Variants in PUSL1 observed in about 807,000 individuals in gnomAD.
PUSL1 encodes the protein tRNA pseudouridine synthase-like 1.
Under a neutral mutation model 30.7 loss-of-function variants are expected in PUSL1, and 51 were observed. The observed-to-expected ratio is 1.66, with a 90% CI of 1.33 to 2.10. The LOEUF (loss-of-function observed/expected upper bound fraction) is 2.10. Among genes scored for constraint, PUSL1 ranks in the 30% most tolerant of loss-of-function variants. The pLI is 0.00. For missense variants in PUSL1, 609 were observed against 427.6 expected, an observed-to-expected ratio of 1.42 and a Z score of -3.74; for synonymous variants, 290 against 192.1, an observed-to-expected ratio of 1.51 and a Z score of -4.21.
At chr1:1,311,196 G>A (rs943483887) in intron 7 of PUSL1, 125 bp downstream of exon 7, 3 of 1,427,478 alleles carry the variant, frequency 2.1e-6, no homozygotes, top group African/African-American at 2.9e-5. Context: ...CCCGCCCAGG[G>A]CTGCAGTCCC....
In PUSL1 at chr1:1,308,728, T is replaced by C; in HGVS notation, c.77+8T>C. 1.3e-6 allele frequency: 2 copies of C among 1,544,546 alleles called. No individual in the cohort carries two copies. Among genetic ancestry groups the C allele is most frequent in the Non-Finnish European group, 1.7e-6 (2 of 1,147,500 alleles). ...CGTGGGCACCGACTTTAAGTAGGTT[T>C]CCCAGGCGCAGCGGCGGGCGCCACG... On this transcript the variant is annotated splice_region_variant and intron_variant, in intron 1 of 7. Coordinates refer to ENST00000379031, the MANE Select transcript of PUSL1 (RefSeq NM_153339.3).
At position 1,309,852 on chromosome 1, in the gene PUSL1, G is replaced by C. The variant is rs749900714; in HGVS notation, c.644+1G>C. 3.3e-6 allele frequency: 5 copies of C among 1,509,314 alleles called. No homozygotes were observed. The highest frequency in any genetic ancestry group is 4.5e-6 in the Non-Finnish European group (5 of 1,121,494). 93.5% of individuals were successfully genotyped at this position (1,509,314 alleles called of 1,614,324 possible). ...CCTTGGTCACCCCCGAGGAGAGCAG[G>C]TGAGGAAGGGCCCCTGGGCTGTGGC... is the stretch of plus-strand genomic sequence containing the variant. On this transcript the variant is annotated splice_donor_variant, in intron 5 of 7. Coordinates refer to ENST00000379031, the MANE Select transcript of PUSL1 (RefSeq NM_153339.3). LOFTEE classifies it high-confidence loss of function.
chr1:1,309,887 A>T (rs1642015900), intron 5 of PUSL1, 36 bp downstream of exon 5: 20 of 1,437,310 alleles, frequency 1.4e-5, no homozygotes, highest in Non-Finnish European at 1.8e-5. Context: ...CCCTGCCCTC[A>T]AGTCACGTGC....
Position 1,311,067 on chromosome 1 carries a change from C to A in PUSL1, c.858C>A (p.Asn286Lys), listed in dbSNP as rs757759017. Reference sequence around the variant, plus strand: ...TCCTCAAGTCAGTGCTGTACGGGAACCTCGGTAAGAAAAACAGGCACGAGA... The same window carrying A: ...TCCTCAAGTCAGTGCTGTACGGGAAACTCGGTAAGAAAAACAGGCACGAGA... ...GLFLKSVLYG[N>K]LGAASCTLQG... Residue 286 changes from asparagine to lysine, a missense_variant, in exon 7 of 8, where the codon AAC becomes AAA. Transcript: ENST00000379031. The A allele has an allele frequency of 1.3e-6, 2 of 1,597,180 alleles. No homozygotes were observed. The highest frequency in any genetic ancestry group is 2.2e-5 in the South Asian group (2 of 90,630).
In PUSL1 at chr1:1,311,524, G is replaced by T; in HGVS notation, c.*145G>T. The T allele has an allele frequency of 2.3e-6, 2 of 856,958 alleles. No individual in the cohort carries two copies. The highest frequency in any genetic ancestry group is 3.8e-6 in the Non-Finnish European group (2 of 525,840). The allele number at this position is 856,958 out of a possible 1,614,324, so 53.1% of individuals were successfully genotyped here. A position where few individuals can be genotyped will look rare whatever the true frequency, so the allele number is the denominator to read the frequency against. On this transcript the variant is annotated 3_prime_UTR_variant, in exon 8 of 8. Coordinates refer to ENST00000379031, the MANE Select transcript of PUSL1 (RefSeq NM_153339.3). Reference sequence around the variant, plus strand: ...CTGCCCGGGTCCCAGCACCCTGGATGCCCGTCTCTGTCCCAGGCGGGATGG... The same window carrying T: ...CTGCCCGGGTCCCAGCACCCTGGATTCCCGTCTCTGTCCCAGGCGGGATGG...
Position 1,309,250 on chromosome 1 carries a change from A to G in PUSL1, c.300A>G (p.Thr100=), listed in dbSNP as rs752405681. ...AGGTCCTGGCCGAGGCCCTCAACAC[A>G]CACCTGCGGCACCCGGCCATCAGGT... is the stretch of plus-strand genomic sequence containing the variant. ...PPEVLAEALN[T]HLRHPAIRVL... Residue 100 remains threonine, a synonymous_variant, in exon 3 of 8, where the codon ACA becomes ACG. Coordinates refer to ENST00000379031, the MANE Select transcript of PUSL1 (RefSeq NM_153339.3). 4.7e-6 allele frequency: 7 copies of G among 1,494,430 alleles called. No homozygotes were observed. The highest frequency in any genetic ancestry group is 1.8e-6 in the Non-Finnish European group (2 of 1,126,988). The allele number at this position is 1,494,430 out of a possible 1,614,324, so 92.6% of individuals were successfully genotyped here.
In PUSL1 at chr1:1,308,659, G is replaced by C. The variant is rs779148624; in HGVS notation, c.16G>C (p.Ala6Pro). ...GGGCTCCGCCATGAGTTCGGCGCCGGCCTCAGGCTCCGTGCGCGCGCGCTA... is the reference window on the plus strand; with the variant it reads ...GGGCTCCGCCATGAGTTCGGCGCCGCCCTCAGGCTCCGTGCGCGCGCGCTA... MSSAP[A>P]SGSVRARYLV... Residue 6 changes from alanine (A) to proline (P), a missense_variant, in exon 1 of 8, where the codon GCC becomes CCC. By Grantham distance (27) the Ala-to-Pro change is conservative. Transcript: ENST00000379031. The C allele has an allele frequency of 4.6e-6, 7 of 1,534,924 alleles. No individual in the cohort carries two copies. Among genetic ancestry groups the C allele is most frequent in the Non-Finnish European group, 6.1e-6 (7 of 1,145,388 alleles).
chr1:1,311,486 C>A lies in PUSL1; in HGVS notation c.*107C>A, dbSNP rs1161811304. 2.5e-6 allele frequency: 3 copies of A among 1,192,490 alleles called. No individual in the cohort carries two copies. Among genetic ancestry groups the A allele is most frequent in the Non-Finnish European group, 2.4e-6 (2 of 828,634 alleles). 73.9% of individuals were successfully genotyped at this position (1,192,490 alleles called of 1,614,324 possible). On this transcript the variant is annotated 3_prime_UTR_variant, in exon 8 of 8. Transcript: ENST00000379031. Reference sequence around the variant, plus strand: ...GCCCACAGCACTGCTGCCTGGTCTCCACAGTAGCCTCCCTGCCCGGGTCCC... The same window carrying A: ...GCCCACAGCACTGCTGCCTGGTCTCAACAGTAGCCTCCCTGCCCGGGTCCC...
chr1:1,309,601 A>G lies in PUSL1; in HGVS notation c.471A>G (p.Ala157=). The G allele has an allele frequency of 1.9e-6, 3 of 1,609,320 alleles. No homozygotes were observed. Among genetic ancestry groups the G allele is most frequent in the African/African-American group, 1.3e-5 (1 of 74,534 alleles). The change falls in exon 4 of 8, where the codon GCA becomes GCG. Residue 157 remains alanine (A), a splice_region_variant and synonymous_variant. Coordinates refer to ENST00000379031, the MANE Select transcript of PUSL1 (RefSeq NM_153339.3). ...GCAACCTATGCTGGACTCTCCCGGC[A>G]GAGTGAGTGTGGCCCTGACAGCGGG... The part of the protein sequence containing the change: ...FERNLCWTLP[A]DCLDMVAMQE...
intron 5 of PUSL1, 35 bp from the exon 6 acceptor site, chr1:1,310,599 G>C: frequency 6.8e-7 from 1 of 1,480,942 alleles, no homozygotes; most frequent in Non-Finnish European, 9.2e-7. Flanking sequence ...GGCAAACACT[G>C]CCCCACAGAC....
At position 1,308,906 on chromosome 1, in the gene PUSL1, T is replaced by C; in HGVS notation, c.78-9T>C. 1 of 1,414,610 alleles carries C rather than the reference T, an allele frequency of 7.1e-7. No homozygotes were observed. Among genetic ancestry groups the C allele is most frequent in the East Asian group, 2.9e-5 (1 of 33,910 alleles). The allele number at this position is 1,414,610 out of a possible 1,614,324, so 87.6% of individuals were successfully genotyped here. On this transcript the variant is annotated splice_polypyrimidine_tract_variant and intron_variant, in intron 1 of 7. Coordinates refer to ENST00000379031, the MANE Select transcript of PUSL1 (RefSeq NM_153339.3). ...GCCCCCGGTAACCTCCGCCCGCTTC[T>C]GCCCGCAGCGGGGTCGCGGCCGTCA...
At chr1:1,311,265 C>A in intron 7 of PUSL1, 65 bp from the exon 8 acceptor site, 1 of 1,463,012 alleles carries the variant, frequency 6.8e-7, no homozygotes, top group Non-Finnish European at 9.1e-7. Flanking sequence ...GGAGTGGTCT[C>A]AGCGGTGGGG....
Position 1,309,703 on chromosome 1 carries a change from C to G in PUSL1, c.496C>G (p.Gln166Glu). 1.3e-6 allele frequency: 2 copies of G among 1,596,168 alleles called. No homozygotes were observed. Among genetic ancestry groups the G allele is most frequent in the Non-Finnish European group, 1.7e-6 (2 of 1,168,182 alleles). ...AAGCTGCCTGGATATGGTCGCCATG[C>G]AGGAAGCCGCCCAGCACCTCCTCGG... ...PADCLDMVAM[Q>E]EAAQHLLGTH... is the part of the protein sequence containing the mutation. Residue 166 changes from glutamine to glutamate, a missense_variant, in exon 5 of 8, where the codon CAG (glutamine) becomes GAG (glutamate). By Grantham distance (29) the Gln-to-Glu change is conservative. Coordinates refer to ENST00000379031, the MANE Select transcript of PUSL1 (RefSeq NM_153339.3).
At position 1,311,055 on chromosome 1, in the gene PUSL1, G is replaced by A; in HGVS notation, c.846G>A (p.Val282=). ...APAHGLFLKS[V]LYGNLGAASC... ...CCCACGGCTTATTCCTCAAGTCAGT[G>A]CTGTACGGGAACCTCGGTAAGAAAA... The change falls in exon 7 of 8, where the codon GTG becomes GTA. Residue 282 remains valine (V), a synonymous_variant. Transcript: ENST00000379031. The A allele has an allele frequency of 1.9e-6, 3 of 1,606,420 alleles. No homozygotes were observed. The highest frequency in any genetic ancestry group is 2.2e-5 in the South Asian group (2 of 90,988).
intron 5 of PUSL1, chr1:1,310,378 C>T: frequency 1.9e-6 from 1 of 520,018 alleles, no homozygotes; most frequent in Non-Finnish European, 3.4e-6. Context: ...GGGCAAGCCC[C>T]TCTGGGATGG....
In PUSL1 at chr1:1,309,076, G is replaced by T. The variant is rs778786499; in HGVS notation, c.136-10G>T. The T allele has an allele frequency of 2.1e-6, 3 of 1,427,672 alleles. No homozygotes were observed. The highest frequency in any genetic ancestry group is 1.5e-5 in the African/African-American group (1 of 66,518). The allele number at this position is 1,427,672 out of a possible 1,614,324, so 88.4% of individuals were successfully genotyped here. On this transcript the variant is annotated splice_polypyrimidine_tract_variant and intron_variant, in intron 2 of 7. Transcript: ENST00000379031. ...CGCTCACCCGCCCGCCCCGCGGCTC[G>T]GTCCTGCAGGAGGCCGCCGAGCGGC...
rs762269129 is a variant in PUSL1, at chr1:1,310,572, C to CA, written c.645-61dup. On this transcript the variant is annotated intron_variant, in intron 5 of 7. Coordinates refer to ENST00000379031, the MANE Select transcript of PUSL1 (RefSeq NM_153339.3). Reference sequence around the variant, plus strand: ...CCTGTCACTCTCCCGTCCAAGGCCACATAGTAGGCTGAGGATGGCAAACAC... The same window carrying CA: ...CCTGTCACTCTCCCGTCCAAGGCCACAATAGTAGGCTGAGGATGGCAAACAC... 13 of 1,312,026 alleles carry CA rather than the reference C, an allele frequency of 9.9e-6. No individual in the cohort carries two copies. In the African/African-American group the frequency reaches 1.6e-4, roughly 16 times the overall value. The allele number at this position is 1,312,026 out of a possible 1,614,324, so 81.3% of individuals were successfully genotyped here. A position where few individuals can be genotyped will look rare whatever the true frequency, so the allele number is the denominator to read the frequency against.
In PUSL1 at chr1:1,309,782, T is replaced by A. The variant is rs541286911; in HGVS notation, c.575T>A (p.Val192Glu). The change falls in exon 5 of 8, where the codon GTG becomes GAG. Residue 192 changes from valine to glutamate, a missense_variant. Coordinates refer to ENST00000379031, the MANE Select transcript of PUSL1 (RefSeq NM_153339.3). ...GCTGGCAGCCCGGTGCCGAGCCCCG[T>A]GCGAACGCTGCGCCGGGTCTCCGTT... The part of the protein sequence containing the change: ...QSAGSPVPSP[V>E]RTLRRVSVSP... 2.6e-6 allele frequency: 4 copies of A among 1,561,196 alleles called. No homozygotes were observed. Among genetic ancestry groups the A allele is most frequent in the Admixed American group, 1.9e-5 (1 of 52,542 alleles).
At position 1,308,640 on chromosome 1, in the gene PUSL1, C is replaced by T; in HGVS notation, c.-4C>T. On this transcript the variant is annotated 5_prime_UTR_variant, in exon 1 of 8. Coordinates refer to ENST00000379031, the MANE Select transcript of PUSL1 (RefSeq NM_153339.3). ...GCCTCTGACGCCACCGGCTGGGCTC[C>T]GCCATGAGTTCGGCGCCGGCCTCAG... 6 of 1,507,946 alleles carry T rather than the reference C, an allele frequency of 4.0e-6. No homozygotes were observed. Among genetic ancestry groups the T allele is most frequent in the East Asian group, 3.0e-5 (1 of 33,536 alleles). The allele number at this position is 1,507,946 out of a possible 1,614,324, so 93.4% of individuals were successfully genotyped here. A position where few individuals can be genotyped will look rare whatever the true frequency, so the allele number is the denominator to read the frequency against.
Sources: allele counts gnomAD v4.1 joint callset, GRCh38; gene constraint gnomAD v4.1.1; transcripts MANE v1.5; gene names NCBI Gene and HGNC (gene_info 2026-07-23, HGNC 2026-07-21).